Variants in CDC42BPG observed in about 807,000 individuals in gnomAD.
CDC42BPG encodes CDC42 binding protein kinase gamma.
In CDC42BPG, 157 loss-of-function variants were observed where a neutral mutation model predicts 192.2. That is an observed-to-expected ratio of 0.82 (90% CI 0.72 to 0.93). The LOEUF (loss-of-function observed/expected upper bound fraction) is 0.93, where lower values mean the gene tolerates loss of function less well. Among genes scored for constraint, CDC42BPG ranks in the 40% least tolerant of loss-of-function variants. CDC42BPG has a pLI of 0.00. For missense variants in CDC42BPG, 1,992 were observed against 2,122.1 expected, an observed-to-expected ratio of 0.94 and a Z score of 1.20; for synonymous variants, 981 against 918.5, an observed-to-expected ratio of 1.07 and a Z score of -1.23.
rs1229031830 is a variant in CDC42BPG at position 64,827,363 on chromosome 11, T to C, written c.4186A>G (p.Asn1396Asp). The C allele has an allele frequency of 1.9e-6, 3 of 1,614,096 alleles. No homozygotes were observed. Among genetic ancestry groups the C allele is most frequent in the East Asian group, 4.5e-5 (2 of 44,888 alleles). Reference sequence around the variant, plus strand: ...GTGCGGAACAGCTGGCGCCGGCTGTTGTCGGTGAGGTCCGGGATGTCGAAC... The same window carrying C: ...GTGCGGAACAGCTGGCGCCGGCTGTCGTCGGTGAGGTCCGGGATGTCGAAC... Reference protein sequence around the residue: ...DEFDIPDLTDNSRRQLFRTKS... With the variant: ...DEFDIPDLTDDSRRQLFRTKS... Residue 1396 changes from asparagine to aspartate, a missense_variant, in exon 33 of 37, where the codon AAC (asparagine) becomes GAC (aspartate). Physicochemically the swap from Asn to Asp is conservative, Grantham distance 23. This residue lies in a region of CDC42BPG where 336 missense variants were observed against 277.9 expected (regional missense o/e 1.21). Coordinates refer to ENST00000342711, the MANE Select transcript of CDC42BPG (RefSeq NM_017525.3).
rs1449641393 is a variant in CDC42BPG at position 64,839,575 on chromosome 11, G to C, written c.582-4C>G. On this transcript the variant is annotated splice_region_variant and splice_polypyrimidine_tract_variant and intron_variant, in intron 5 of 36. Transcript: ENST00000342711. The stretch of plus-strand genomic sequence containing the variant: ...GACGTTGTCTGGCTTGACATCCCTG[G>C]GGGATGGCAGGCAGGGAGAGTGAGG... 1.9e-6 allele frequency: 3 copies of C among 1,609,494 alleles called. No homozygotes were observed. The highest frequency in any genetic ancestry group is 1.3e-5 in the African/African-American group (1 of 74,860).
In CDC42BPG at chr11:64,838,786, G is replaced by A; in HGVS notation, c.993C>T (p.Phe331=). 6.2e-7 allele frequency: 1 copy of A among 1,612,854 alleles called. No individual in the cohort carries two copies. Among genetic ancestry groups the A allele is most frequent in the African/African-American group, 1.3e-5 (1 of 75,040 alleles). Residue 331 remains phenylalanine, a synonymous_variant, in exon 8 of 37, where the codon TTC becomes TTT. Coordinates refer to ENST00000342711, the MANE Select transcript of CDC42BPG (RefSeq NM_017525.3). The part of the protein sequence containing the change: ...ERLGRGGLDD[F]RNHPFFEGVD... ...CGCCTTCGAAGAAAGGATGGTTCCG[G>A]AAGTCATCCAGCCCACCACGGCCTA...
rs1489116980 is a variant in CDC42BPG at position 64,826,746 on chromosome 11, G to A, written c.4438C>T (p.Pro1480Ser). ...RVARGSGPQRPHSFSEALRRP... is the reference protein window; with the variant it reads ...RVARGSGPQRSHSFSEALRRP... ...CGCAACGCCTCGGAGAAGCTGTGGGGCCGCTGTGGGCCGGAGCCGCGGGCA... is the reference window on the plus strand; with the variant it reads ...CGCAACGCCTCGGAGAAGCTGTGGGACCGCTGTGGGCCGGAGCCGCGGGCA... Residue 1480 changes from proline (P) to serine (S), a missense_variant, in exon 35 of 37, where the codon CCC (proline) becomes TCC (serine). Physicochemically the swap from Pro to Ser is moderately conservative, Grantham distance 74. This residue lies in a region of CDC42BPG where 336 missense variants were observed against 277.9 expected (regional missense o/e 1.21). Coordinates refer to ENST00000342711, the MANE Select transcript of CDC42BPG (RefSeq NM_017525.3). 6 of 1,539,448 alleles carry A rather than the reference G, an allele frequency of 3.9e-6. No individual in the cohort carries two copies. Among genetic ancestry groups the A allele is most frequent in the Admixed American group, 2.1e-5 (1 of 47,870 alleles).
intron 7 of CDC42BPG, 36 bp downstream of exon 7, chr11:64,838,997 T>C: frequency 1.2e-6 from 2 of 1,611,982 alleles, no homozygotes; most frequent in East Asian, 4.5e-5. Flanking sequence ...GGGGTCCCAC[T>C]GCCCCCTCTG....
chr11:64,833,469 A>T, intron 23 of CDC42BPG, 131 bp downstream of exon 23: 1 of 1,004,214 alleles, frequency 1.0e-6, no homozygotes, highest in South Asian at 1.6e-5. Context: ...GCGGCAGGCA[A>T]GCTCATCGCC....
rs759324258 is a variant in CDC42BPG, at chr11:64,836,243, C to G, written c.1542G>C (p.Arg514Ser). ...GLQAQEQELC[R>S]AQGQQEELLQ... ...GCAGCTCCTCCTGCTGCCCCTGGGC[C>G]CTGCAGAGCTCCTGCTCCTGAGCCT... is the stretch of plus-strand genomic sequence containing the variant. The change falls in exon 13 of 37, where the codon AGG (arginine) becomes AGC (serine). Residue 514 changes from arginine (R) to serine (S), a missense_variant. Physicochemically the swap from Arg to Ser is moderately radical, Grantham distance 110. Transcript: ENST00000342711. The G allele has an allele frequency of 4.4e-6, 7 of 1,601,548 alleles. No individual in the cohort carries two copies. Among genetic ancestry groups the G allele is most frequent in the Admixed American group, 3.4e-5 (2 of 58,406 alleles).
Position 64,823,584 on chromosome 11 carries a change from G to A in CDC42BPG, c.*889C>T, listed in dbSNP as rs1264450799. 6.6e-6 allele frequency: 1 copy of A among 152,122 alleles called. No homozygotes were observed. The highest frequency in any genetic ancestry group is 2.4e-5 in the African/African-American group (1 of 41,432). 9.4% of individuals were successfully genotyped at this position (152,122 alleles called of 1,614,324 possible). ...AGTTTCCAATACACAACTGGTTGAAGATTCGAGAAAAACGACCCCCTTTCT... is the reference window on the plus strand; with the variant it reads ...AGTTTCCAATACACAACTGGTTGAAAATTCGAGAAAAACGACCCCCTTTCT... On this transcript the variant is annotated 3_prime_UTR_variant, in exon 37 of 37. Transcript: ENST00000342711.
chr11:64,839,711 G>C (rs1592721410), intron 5 of CDC42BPG, 140 bp from the exon 6 acceptor site: 4 of 660,166 alleles, frequency 6.1e-6, no homozygotes, highest in Admixed American at 5.2e-5. Flanking sequence ...CATGTGATGA[G>C]CAACGTGTGT....
At chr11:64,829,345 G>T in intron 30 of CDC42BPG, 126 bp downstream of exon 30, 1 of 1,235,040 alleles carries the variant, frequency 8.1e-7, no homozygotes, top group Non-Finnish European at 1.1e-6. Flanking sequence ...GGGTGTTGTT[G>T]GGCTGGAGGA....
chr11:64,833,724 C>A lies in CDC42BPG; in HGVS notation c.2565+14G>T, dbSNP rs1207284192. ...GGGGCCCAGGCCCCCTACGATGGAC[C>A]CACCTGTCCTCACCCCCATGCGCAG... On this transcript the variant is annotated intron_variant, in intron 22 of 36. Coordinates refer to ENST00000342711, the MANE Select transcript of CDC42BPG (RefSeq NM_017525.3). 1 of 1,613,884 alleles carries A rather than the reference C, an allele frequency of 6.2e-7. No homozygotes were observed.
rs201199244 is a variant in CDC42BPG at position 64,831,506 on chromosome 11, G to A, written c.3303C>T (p.Leu1101=). 6 of 1,604,898 alleles carry A rather than the reference G, an allele frequency of 3.7e-6. No homozygotes were observed. The highest frequency in any genetic ancestry group is 2.7e-5 in the African/African-American group (2 of 74,914). Residue 1101 remains leucine (L), a splice_region_variant and synonymous_variant, in exon 28 of 37, where the codon CTC becomes CTT. Transcript: ENST00000342711. ...LLPHTLCAAI[L]DQDRLALGTE... ...CTCCAGTCCCCTCCACCAGCTCACC[G>A]AGGATGGCAGCGCAGAGCGTGTGAG...
intron 1 of CDC42BPG, among the ~76,000 whole-genome samples, chr11:64,842,830 C>G (rs991677723): frequency 1.3e-5 from 2 of 152,264 alleles, no homozygotes; most frequent in South Asian, 2.1e-4. Flanking sequence ...TGTGGTCTGG[C>G]GCCCTGCCTC....
In CDC42BPG at chr11:64,834,981, C is replaced by T. The variant is rs765085468; in HGVS notation, c.2061-18G>A. On this transcript the variant is annotated intron_variant, in intron 17 of 36. Transcript: ENST00000342711. The stretch of plus-strand genomic sequence containing the variant: ...CATTCACCCTGAATGGGAAGGGGCT[C>T]AGGGTCATGGGCTGGGCCCTCAGTC... 43 of 1,613,504 alleles carry T rather than the reference C, an allele frequency of 2.7e-5. No homozygotes were observed. Among genetic ancestry groups the T allele is most frequent in the Non-Finnish European group, 3.6e-5 (42 of 1,179,918 alleles).
In CDC42BPG at chr11:64,832,738, C is replaced by T. The variant is rs150950292; in HGVS notation, c.2871G>A (p.Pro957=). 132 of 1,604,396 alleles carry T rather than the reference C, an allele frequency of 8.2e-5. No homozygotes were observed. The African/African-American group carries it at 9.1e-4, about 11-fold the overall frequency. Reference sequence around the variant, plus strand: ...AGCCCCGCCGGACACCTGAGGGCCGCGGCACCTGGCGGAAAGGCAAGCATG... The same window carrying T: ...AGCCCCGCCGGACACCTGAGGGCCGTGGCACCTGGCGGAAAGGCAAGCATG... The part of the protein sequence containing the change: ...GTAYEGFLSV[P]RPSGVRRGWQ... Residue 957 remains proline, a synonymous_variant, in exon 26 of 37, where the codon CCG becomes CCA. Transcript: ENST00000342711.
rs778140046 is a variant in CDC42BPG at position 64,837,002 on chromosome 11, C to G, written c.1223G>C (p.Ser408Thr). Residue 408 changes from serine (S) to threonine (T), a missense_variant, in exon 10 of 37, where the codon AGC becomes ACC. By Grantham distance (58) the Ser-to-Thr change is moderately conservative (BLOSUM62 1). Transcript: ENST00000342711. ...YTSGSHSPESSSEAWAALERK... is the reference protein window; with the variant it reads ...YTSGSHSPESTSEAWAALERK... ...CTCCAGGGCAGCCCAAGCCTCAGAG[C>G]TGCTCTCAGGACTGTGACTGTAGGG... 2.5e-6 allele frequency: 4 copies of G among 1,613,442 alleles called. No homozygotes were observed. Among genetic ancestry groups the G allele is most frequent in the Non-Finnish European group, 1.7e-6 (2 of 1,179,922 alleles).
Position 64,833,965 on chromosome 11 carries a change from G to A in CDC42BPG, c.2426C>T (p.Ser809Leu). 11 of 1,614,212 alleles carry A rather than the reference G, an allele frequency of 6.8e-6. No homozygotes were observed. Among genetic ancestry groups the A allele is most frequent in the Non-Finnish European group, 9.3e-6 (11 of 1,180,032 alleles). ...GGACAGGAAGGGAATCAGGGAGTTT[G>A]AGGGCTTGGTGTCTGCAAAGAAAGG... The part of the protein sequence containing the change: ...RARGPVDTKP[S>L]NSLIPFLSFR... Residue 809 changes from serine (S) to leucine (L), a missense_variant, in exon 21 of 37, where the codon TCA (serine) becomes TTA (leucine). By Grantham distance (145) the Ser-to-Leu change is moderately radical. Around this residue, in one of 2 missense-constraint regions of CDC42BPG, gnomAD observed 1,656 missense variants for 1,844.3 expected, o/e 0.90. Coordinates refer to ENST00000342711, the MANE Select transcript of CDC42BPG (RefSeq NM_017525.3).
At chr11:64,843,201 G>C (rs1226630551) in intron 1 of CDC42BPG, among the ~76,000 whole-genome samples, 1 of 152,058 alleles carries the variant, frequency 6.6e-6, no homozygotes, top group Non-Finnish European at 1.5e-5. Context: ...AGCAGGAGAG[G>C]AATGAGTCAC....
chr11:64,840,103 C>T lies in CDC42BPG; in HGVS notation c.581+17G>A, dbSNP rs773504973. The T allele has an allele frequency of 1.4e-5, 22 of 1,605,660 alleles. No individual in the cohort carries two copies. Among genetic ancestry groups the T allele is most frequent in the Middle Eastern group, 1.7e-4 (1 of 5,944 alleles). ...AGGGCAGCGGGGTTGGGCAGGGCAG[C>T]GGGGTTGGGGCCCCACCTGTGGACA... On this transcript the variant is annotated intron_variant, in intron 5 of 36. Transcript: ENST00000342711.
At chr11:64,826,588 C>T (rs574134052) in intron 35 of CDC42BPG, 33 bp from the exon 36 acceptor site, 8 of 1,596,248 alleles carry the variant, frequency 5.0e-6, no homozygotes, top group Non-Finnish European at 6.8e-6. Flanking sequence ...GACAAAAATA[C>T]CAAGATCAGA....
Sources: gnomAD v4.1 joint callset for allele counts (sites outside exome capture counted in the v4.1 genomes callset) on GRCh38, gnomAD v4.1.1 for gene constraint, gnomAD v4.1.1 regional missense constraint, MANE v1.5 for transcripts, NCBI Gene and HGNC (gene_info 2026-07-23, HGNC 2026-07-21) for gene names.